FRMD6: variants seen among roughly 807,000 people sequenced by gnomAD.
The protein encoded by FRMD6 is FERM domain-containing protein 6.
In FRMD6, 37 loss-of-function variants were observed where a neutral mutation model predicts 73.2. The observed-to-expected ratio is 0.51, with a 90% CI of 0.39 to 0.66. The LOEUF is 0.66. FRMD6 is among the 30% of genes least tolerant of loss of function. The pLI is 0.00. For missense variants in FRMD6, 714 were observed against 780.5 expected (o/e 0.91, Z 1.02); for synonymous variants, 273 against 282.2 (o/e 0.97, Z 0.33).
At chr14:51,588,893 G>A (rs1044596732) in intron 2 of FRMD6, among the ~76,000 whole-genome samples, 1 of 152,180 alleles carries the variant, frequency 6.6e-6, no homozygotes, top group Non-Finnish European at 1.5e-5. Context: ...GCCATTTCTG[G>A]GGACTGTGCG....
chr14:51,629,342 A>G (rs1891251575), intron 2 of FRMD6, among the ~76,000 whole-genome samples: 1 of 152,222 alleles, frequency 6.6e-6, no homozygotes, highest in African/African-American at 2.4e-5. Context: ...ATTCACATAC[A>G]TGTCTTGGTG....
chr14:51,414,681 AT>A, the FRMD6 span, among the ~76,000 whole-genome samples: 1 of 152,128 alleles, frequency 6.6e-6, no homozygotes, highest in Non-Finnish European at 1.5e-5. Context: ...TTTTTTTCCA[AT>A]TCTGTGAAGA....
At chr14:51,723,873 C>T (rs779292235) in intron 12 of FRMD6, among the ~76,000 whole-genome samples, 2 of 151,104 alleles carry the variant, frequency 1.3e-5, no homozygotes, top group African/African-American at 2.4e-5. Context: ...TATTTAATAA[C>T]ATAAGAAGGA....
the FRMD6 span, among the ~76,000 whole-genome samples, chr14:51,452,006 A>C: frequency 2.0e-5 from 3 of 152,332 alleles, no homozygotes; most frequent in African/African-American, 7.2e-5. Context: ...TGCCCATGGA[A>C]TGCTTTAAGC....
chr14:51,439,842 C>T, the FRMD6 span, among the ~76,000 whole-genome samples: 7 of 152,148 alleles, frequency 4.6e-5, no homozygotes, highest in East Asian at 9.6e-4. Context: ...TTATTGCTAG[C>T]GTAACCAGAG....
At chr14:51,597,506 C>T (rs1319923527) in intron 2 of FRMD6, among the ~76,000 whole-genome samples, 1 of 152,116 alleles carries the variant, frequency 6.6e-6, no homozygotes. Context: ...GACCTAGAGC[C>T]TACAGCACGT....
At chr14:51,690,652 G>T (rs1329047940) in intron 2 of FRMD6, among the ~76,000 whole-genome samples, 4 of 152,182 alleles carry the variant, frequency 2.6e-5, no homozygotes, top group African/African-American at 9.7e-5. Context: ...ATAGTGCTGG[G>T]ATTACAGGCG....
intron 1 of FRMD6, among the ~76,000 whole-genome samples, chr14:51,662,642 T>G (rs1230619472): frequency 6.6e-6 from 1 of 152,138 alleles, no homozygotes; most frequent in African/African-American, 2.4e-5. Context: ...TATACAAAAA[T>G]TAACTCAAAA....
chr14:51,661,056 CTG>C (rs1893189074), intron 1 of FRMD6, among the ~76,000 whole-genome samples: 1 of 152,252 alleles, frequency 6.6e-6, no homozygotes, highest in African/African-American at 2.4e-5. Context: ...CAGGACTTGA[CTG>C]TGAGTGGAAT....
At chr14:51,643,335 GAA>G in intron 2 of FRMD6, 1 of 152,362 alleles carries the variant, frequency 6.6e-6, no homozygotes, top group African/African-American at 2.4e-5. Context: ...TGATGAAAAG[GAA>G]AGACAGCCAG....
At chr14:51,685,812 G>T (rs1206914071) in intron 1 of FRMD6, among the ~76,000 whole-genome samples, 1 of 127,414 alleles carries the variant, frequency 7.8e-6, no homozygotes, top group African/African-American at 3.1e-5. Flanking sequence ...GGTGGAGGGG[G>T]AGTATCTAAT....
the FRMD6 span, among the ~76,000 whole-genome samples, chr14:51,467,468 A>G: frequency 6.6e-6 from 1 of 152,330 alleles, no homozygotes; most frequent in South Asian, 2.1e-4. Context: ...CCTGTTCTCA[A>G]TGAGCTGTTG....
intron 1 of FRMD6, among the ~76,000 whole-genome samples, chr14:51,540,131 A>G (rs991863113): frequency 6.6e-6 from 1 of 152,104 alleles, no homozygotes. Flanking sequence ...TGGTGATGGC[A>G]TAGATCCCCA....
At chr14:51,652,131 C>T (rs1892451986) in intron 1 of FRMD6, 135 bp downstream of exon 1, 1 of 152,262 alleles carries the variant, frequency 6.6e-6, no homozygotes, top group Non-Finnish European at 1.5e-5. Context: ...CTGGAAGTCG[C>T]GAGTCCCAGC....
the FRMD6 span, among the ~76,000 whole-genome samples, chr14:51,451,831 G>A: frequency 6.6e-6 from 1 of 152,218 alleles, no homozygotes; most frequent in African/African-American, 2.4e-5. Flanking sequence ...AGATGCTTGT[G>A]CCATTTTTCC....
chr14:51,589,676 A>G (rs543554128), intron 2 of FRMD6, among the ~76,000 whole-genome samples: 1 of 152,026 alleles, frequency 6.6e-6, no homozygotes, highest in Admixed American at 6.5e-5. Context: ...GAGTTCAAAT[A>G]GAGTTAGCTG....
chr14:51,603,761 A>G (rs899105570), intron 2 of FRMD6, among the ~76,000 whole-genome samples: 1 of 152,186 alleles, frequency 6.6e-6, no homozygotes, highest in Non-Finnish European at 1.5e-5. Flanking sequence ...CGAGTTCTCA[A>G]ATAAGGAAAA....
intron 10 of FRMD6, among the ~76,000 whole-genome samples, chr14:51,719,314 CCAGT>C: frequency 6.6e-6 from 1 of 152,264 alleles, no homozygotes; most frequent in East Asian, 1.9e-4. Flanking sequence ...AACAGCTTTA[CCAGT>C]CAGAGTTGGA....
the FRMD6 span, among the ~76,000 whole-genome samples, chr14:51,396,432 A>C: frequency 6.6e-6 from 1 of 152,154 alleles, no homozygotes; most frequent in Non-Finnish European, 1.5e-5. Context: ...AAAGAAGTTA[A>C]ACATGTGCTC....
Sources: allele counts gnomAD v4.1 joint callset (sites outside exome capture counted in the v4.1 genomes callset), GRCh38; gene constraint gnomAD v4.1.1; transcripts MANE v1.5; gene names NCBI Gene and HGNC (gene_info 2026-07-23, HGNC 2026-07-21).